Variants in PSMA2 observed in about 807,000 individuals in gnomAD.
PSMA2 encodes the protein proteasome subunit alpha type-2.
Under a neutral mutation model 35.9 loss-of-function variants are expected in PSMA2, and 2 were observed. The observed-to-expected ratio is 0.06, with a 90% confidence interval of 0.02 to 0.18. The LOEUF is 0.18. PSMA2 is among the 10% of genes least tolerant of loss of function. The pLI is 1.00. For missense variants in PSMA2, 126 were observed against 278.8 expected (o/e 0.45, Z 3.90); for synonymous variants, 97 against 98.2 (o/e 0.99, Z 0.07).
intron 6 of PSMA2, chr7:42,919,651 G>T: frequency 1.8e-6 from 1 of 569,096 alleles, no homozygotes; most frequent in South Asian, 1.5e-5. Context: ...AATAACTTAT[G>T]GCTGATCCAG....
chr7:42,917,164 GAA>G lies in PSMA2; in HGVS notation c.*408_*409del, dbSNP rs1786044673. On this transcript the variant is annotated 3_prime_UTR_variant, in exon 8 of 8. Transcript: ENST00000223321. ...TTCTTTTCTTGTTCCATGAATCCGTGAAAGTCTGCAGATCCTCCCAGCTCTAG... is the reference window on the plus strand; with the variant it reads ...TTCTTTTCTTGTTCCATGAATCCGTGAGTCTGCAGATCCTCCCAGCTCTAG... 5.9e-6 allele frequency: 1 copy of G among 168,754 alleles called. No homozygotes were observed. The highest frequency in any genetic ancestry group is 1.3e-5 in the Non-Finnish European group (1 of 78,872). The allele number at this position is 168,754 out of a possible 1,614,324, so 10.5% of individuals were successfully genotyped here.
chr7:42,919,260 C>A, intron 6 of PSMA2: 1 of 615,718 alleles, frequency 1.6e-6, no homozygotes, highest in Non-Finnish European at 3.2e-6. Context: ...ATAAGGATGC[C>A]ACCAAAGCAG....
chr7:42,920,517 CT>C (rs1786110021), intron 6 of PSMA2: 1 of 152,266 alleles, frequency 6.6e-6, no homozygotes, highest in Non-Finnish European at 1.5e-5. Context: ...GATAAAGTAA[CT>C]GGTTTAATTT....
Position 42,917,415 on chromosome 7 carries a change from G to A in PSMA2, c.*159C>T, listed in dbSNP as rs2128673147. ...CAACTCCTAAAAGGCTGGAAGGTGG[G>A]TTTAACAGTTTATTAGGATTTATAA... On this transcript the variant is annotated 3_prime_UTR_variant, in exon 8 of 8. Coordinates refer to ENST00000223321, the MANE Select transcript of PSMA2 (RefSeq NM_002787.5). 2 of 571,666 alleles carry A rather than the reference G, an allele frequency of 3.5e-6. No individual in the cohort carries two copies. Among genetic ancestry groups the A allele is most frequent in the Non-Finnish European group, 6.1e-6 (2 of 328,428 alleles). The allele number at this position is 571,666 out of a possible 1,614,324, so 35.4% of individuals were successfully genotyped here. A position where few individuals can be genotyped will look rare whatever the true frequency, so the allele number is the denominator to read the frequency against.
In PSMA2 at chr7:42,921,772, A is replaced by C. The variant is rs55901787; in HGVS notation, c.530+86T>G. 7,234 of 1,084,706 alleles carry C rather than the reference A, an allele frequency of 6.7e-3. 32 individuals carry two copies. Among genetic ancestry groups the C allele is most frequent in the Middle Eastern group, 0.014 (67 of 4,900 alleles). 67.2% of individuals were successfully genotyped at this position (1,084,706 alleles called of 1,614,324 possible). ...ACAGAGTAATATAGCAAGTTTCTTT[A>C]GTCCCATGATATTAATTTACTTAAA... On this transcript the variant is annotated intron_variant, in intron 6 of 7. Transcript: ENST00000223321.
chr7:42,931,532 CGTT>C (rs3839751), intron 1 of PSMA2, among the ~76,000 whole-genome samples: 127,587 of 151,690 alleles, frequency 0.84, 53,909 homozygotes, highest in South Asian at 0.91. Flanking sequence ...AAACTTGCCT[CGTT>C]GTTAGGGGTT....
chr7:42,920,117 A>G (rs965926707), intron 6 of PSMA2: 3 of 483,716 alleles, frequency 6.2e-6, no homozygotes, highest in Non-Finnish European at 1.1e-5. Flanking sequence ...CACAGACAGC[A>G]TACAACTGGA....
chr7:42,930,194 C>A (rs1786275680), intron 1 of PSMA2, among the ~76,000 whole-genome samples: 1 of 132,362 alleles, frequency 7.6e-6, no homozygotes, highest in South Asian at 2.6e-4. Context: ...ACAGGTGAAT[C>A]CACCATGTTA....
chr7:42,931,080 C>A, intron 1 of PSMA2: 1 of 386,402 alleles, frequency 2.6e-6, no homozygotes, highest in Admixed American at 3.4e-5. Context: ...GTTTGAATGT[C>A]AACTCAGCTA....
intron 3 of PSMA2, among the ~76,000 whole-genome samples, chr7:42,925,978 C>T (rs1339648952): frequency 6.6e-6 from 1 of 152,162 alleles, no homozygotes; most frequent in Non-Finnish European, 1.5e-5. Context: ...CTTGCTGGTA[C>T]CCTGAGTAAC....
At chr7:42,921,718 T>G in intron 6 of PSMA2, 140 bp downstream of exon 6, 1 of 513,644 alleles carries the variant, frequency 1.9e-6, no homozygotes. Context: ...GGAGAGAAGT[T>G]TTTGGTTTAT....
chr7:42,921,358 A>G (rs1786126663), intron 6 of PSMA2: 1 of 152,368 alleles, frequency 6.6e-6, no homozygotes, highest in Admixed American at 6.5e-5. Context: ...ACAGCTGGAA[A>G]TAAGTAAGAG....
At chr7:42,927,542 C>G (rs1388935343) in intron 1 of PSMA2, 83 bp from the exon 2 acceptor site, 2 of 1,331,786 alleles carry the variant, frequency 1.5e-6, no homozygotes, top group Non-Finnish European at 1.1e-6. Context: ...TACAGACATA[C>G]AGGTCAAATC....
At chr7:42,926,020 G>C (rs1037007470) in intron 3 of PSMA2, among the ~76,000 whole-genome samples, 1 of 152,318 alleles carries the variant, frequency 6.6e-6, no homozygotes, top group Middle Eastern at 3.4e-3. Context: ...GAAATATAAA[G>C]GGGGTGATTA....
In PSMA2 at chr7:42,920,614, T is replaced by G. The variant is rs567152956; in HGVS notation, c.530+1244A>C. ...CTGAAACAAAAAATAAAACAAATCA[T>G]AACATATCATGTAATAACAATGTGA... On this transcript the variant is annotated intron_variant, in intron 6 of 7. Transcript: ENST00000223321. 3 of 152,196 alleles carry G rather than the reference T, an allele frequency of 2.0e-5. No homozygotes were observed. In the South Asian group the frequency reaches 6.2e-4, roughly 31 times the overall value. The allele number at this position is 152,196 out of a possible 1,614,324, so 9.4% of individuals were successfully genotyped here. A position where few individuals can be genotyped will look rare whatever the true frequency, so the allele number is the denominator to read the frequency against.
At chr7:42,931,309 G>T (rs1786306251) in intron 1 of PSMA2, among the ~76,000 whole-genome samples, 1 of 152,184 alleles carries the variant, frequency 6.6e-6, no homozygotes, top group African/African-American at 2.4e-5. Context: ...TTAAGAAAAT[G>T]GGTAAGTCAG....
rs1304954716 is a variant in PSMA2 at position 42,917,826 on chromosome 7, T to C, written c.540A>G (p.Glu180=). ...GAATGGCATCTTCAAGTTCCAGATC[T>C]TCATTATATCTGAAGAATTTAAAAA... ...GKTFLEKRYN[E]DLELEDAIHT... Residue 180 remains glutamate, a synonymous_variant, in exon 7 of 8, where the codon GAA becomes GAG. Coordinates refer to ENST00000223321, the MANE Select transcript of PSMA2 (RefSeq NM_002787.5). 1 of 1,603,880 alleles carries C rather than the reference T, an allele frequency of 6.2e-7. No individual in the cohort carries two copies. The highest frequency in any genetic ancestry group is 8.5e-7 in the Non-Finnish European group (1 of 1,173,538).
At chr7:42,929,869 A>C (rs1234948559) in intron 1 of PSMA2, among the ~76,000 whole-genome samples, 1 of 152,166 alleles carries the variant, frequency 6.6e-6, no homozygotes, top group Non-Finnish European at 1.5e-5. Flanking sequence ...CCCTCTGTCT[A>C]CAAGTCTCCT....
At chr7:42,921,957 A>C (rs752744554) in intron 5 of PSMA2, 26 bp from the exon 6 acceptor site, 1 of 1,576,430 alleles carries the variant, frequency 6.3e-7, no homozygotes, top group Non-Finnish European at 8.7e-7. Context: ...AGAGTAAAAA[A>C]CCATATTTTA....
Sources: gnomAD v4.1 joint callset for allele counts (sites outside exome capture counted in the v4.1 genomes callset) on GRCh38, gnomAD v4.1.1 for gene constraint, MANE v1.5 for transcripts, NCBI Gene and HGNC (gene_info 2026-07-23, HGNC 2026-07-21) for gene names.